OPCML: variants seen among roughly 807,000 people sequenced by gnomAD.
OPCML encodes the protein opioid binding protein/cell adhesion molecule like, also known as opioid-binding protein/cell adhesion molecule.
OPCML carries 13 observed loss-of-function variants against 37.8 expected under a neutral mutation model. The ratio of observed to expected loss-of-function variants is 0.34; its 90% CI spans 0.22 to 0.55. The LOEUF (loss-of-function observed/expected upper bound fraction) is 0.55, where lower values mean the gene tolerates loss of function less well. Ranked by LOEUF, OPCML falls within the 20% of genes least tolerant of loss-of-function variation. The pLI is 0.91. For missense variants in OPCML, 341 were observed against 435.6 expected, an observed-to-expected ratio of 0.78 and a Z score of 1.93; for synonymous variants, 176 against 168.8, an observed-to-expected ratio of 1.04 and a Z score of -0.33.
At chr11:132,783,699 T>C (rs1442327770) in intron 2 of OPCML, among the ~76,000 whole-genome samples, 1 of 150,328 alleles carries the variant, frequency 6.7e-6, no homozygotes, top group East Asian at 2.0e-4. Flanking sequence ...TAATAATATA[T>C]CCTTTCAATT....
At chr11:133,318,840 C>T (rs927198457) in intron 1 of OPCML, among the ~76,000 whole-genome samples, 2 of 152,170 alleles carry the variant, frequency 1.3e-5, no homozygotes, top group Admixed American at 6.5e-5. Flanking sequence ...AGTTTGAGAG[C>T]AGCCTGGCCA....
intron 1 of OPCML, among the ~76,000 whole-genome samples, chr11:133,121,881 G>A (rs1949428086): frequency 6.6e-6 from 1 of 152,120 alleles, no homozygotes; most frequent in African/African-American, 2.4e-5. Context: ...TGCCCCAAGC[G>A]ACTTCTAATG....
intron 1 of OPCML, among the ~76,000 whole-genome samples, chr11:132,951,253 C>T (rs1014219752): frequency 3.9e-5 from 6 of 152,212 alleles, no homozygotes; most frequent in Non-Finnish European, 7.3e-5. Context: ...ATACTGCAGA[C>T]TAGGTGGCCT....
At chr11:133,252,358 A>T (rs1180690400) in intron 1 of OPCML, among the ~76,000 whole-genome samples, 1 of 152,134 alleles carries the variant, frequency 6.6e-6, no homozygotes, top group Non-Finnish European at 1.5e-5. Context: ...GCTTCGGGTA[A>T]AGTATTCTAG....
chr11:133,399,375 A>G (rs573288286), intron 1 of OPCML, among the ~76,000 whole-genome samples: 11 of 152,290 alleles, frequency 7.2e-5, no homozygotes, highest in African/African-American at 2.6e-4. Context: ...CTCTTTAAGC[A>G]TCAGTGAACT....
chr11:133,030,291 C>T (rs970623120), intron 1 of OPCML, among the ~76,000 whole-genome samples: 2 of 152,202 alleles, frequency 1.3e-5, no homozygotes, highest in Non-Finnish European at 2.9e-5. Context: ...TACGCAAAGG[C>T]TTACAATGTG....
chr11:132,898,838 G>GCCCCCCCCCC (rs57148567), intron 2 of OPCML, among the ~76,000 whole-genome samples: 5 of 149,452 alleles, frequency 3.3e-5, no homozygotes, highest in African/African-American at 1.0e-4. Context: ...AGTTTAGACT[G>GCCCCCCCCCC]CCCCCCCCAC....
intron 1 of OPCML, among the ~76,000 whole-genome samples, chr11:133,199,199 G>A (rs1938664092): frequency 6.6e-6 from 1 of 152,138 alleles, no homozygotes; most frequent in African/African-American, 2.4e-5. Flanking sequence ...CTATGCAGGA[G>A]GTGGGGAGAG....
chr11:132,571,120 G>A (rs7929284), intron 3 of OPCML, among the ~76,000 whole-genome samples: 4,534 of 151,972 alleles, frequency 0.03, 243 homozygotes, highest in African/African-American at 0.1. Flanking sequence ...GGCTTTCATC[G>A]TTCTCCCATG....
At chr11:132,806,512 T>C (rs1939019821) in intron 2 of OPCML, among the ~76,000 whole-genome samples, 2 of 152,106 alleles carry the variant, frequency 1.3e-5, no homozygotes, top group South Asian at 2.1e-4. Context: ...CAAGAGATCA[T>C]GTGAAATAGT....
At chr11:133,134,767 T>C (rs1009523374) in intron 1 of OPCML, among the ~76,000 whole-genome samples, 5 of 152,106 alleles carry the variant, frequency 3.3e-5, no homozygotes, top group African/African-American at 1.2e-4. Flanking sequence ...GGTGCTGTTC[T>C]CCCTGCACCC....
intron 1 of OPCML, among the ~76,000 whole-genome samples, chr11:133,126,337 T>C (rs1281959417): frequency 6.6e-6 from 1 of 152,170 alleles, no homozygotes; most frequent in Non-Finnish European, 1.5e-5. Context: ...GACTGGATGA[T>C]GCCCACGCAC....
At chr11:133,467,082 T>C (rs1946992249) in intron 1 of OPCML, among the ~76,000 whole-genome samples, 1 of 152,256 alleles carries the variant, frequency 6.6e-6, no homozygotes. Flanking sequence ...GAACCATGAA[T>C]TAACCCACTG....
At chr11:132,780,275 A>C (rs1429763715) in intron 2 of OPCML, among the ~76,000 whole-genome samples, 1 of 152,212 alleles carries the variant, frequency 6.6e-6, no homozygotes, top group Non-Finnish European at 1.5e-5. Flanking sequence ...TACGTGAGAC[A>C]CTGAGAGGGA....
intron 1 of OPCML, among the ~76,000 whole-genome samples, chr11:133,013,670 G>A (rs1386122838): frequency 1.3e-5 from 2 of 152,210 alleles, no homozygotes; most frequent in African/African-American, 2.4e-5. Context: ...ACACTCAACA[G>A]TGTATAGTCA....
intron 2 of OPCML, among the ~76,000 whole-genome samples, chr11:132,885,492 T>A (rs956658814): frequency 6.6e-6 from 1 of 152,180 alleles, no homozygotes; most frequent in Non-Finnish European, 1.5e-5. Flanking sequence ...ATCAATTAAT[T>A]CCCCAATAAT....
intron 1 of OPCML, among the ~76,000 whole-genome samples, chr11:133,481,779 C>T (rs1947377650): frequency 1.3e-5 from 2 of 152,168 alleles, no homozygotes; most frequent in Non-Finnish European, 1.5e-5. Flanking sequence ...GGACAGTGTT[C>T]ATAACCTTTA....
intron 1 of OPCML, among the ~76,000 whole-genome samples, chr11:132,956,075 C>T (rs950706222): frequency 6.6e-6 from 1 of 152,194 alleles, no homozygotes; most frequent in African/African-American, 2.4e-5. Flanking sequence ...ATTCAAGATT[C>T]ATGTGCCAAA....
intron 1 of OPCML, among the ~76,000 whole-genome samples, chr11:133,227,164 G>A (rs1940076440): frequency 6.6e-6 from 1 of 152,150 alleles, no homozygotes; most frequent in African/African-American, 2.4e-5. Flanking sequence ...AATGGCCCCG[G>A]AGGGATCCTG....
Sources: allele counts gnomAD v4.1 joint callset (sites outside exome capture counted in the v4.1 genomes callset), GRCh38; gene constraint gnomAD v4.1.1; transcripts MANE v1.5; gene names NCBI Gene and HGNC (gene_info 2026-07-23, HGNC 2026-07-21).